The following TMEM74 variants were observed in gnomAD, a reference collection of about 807,000 sequenced individuals.
TMEM74 encodes the protein transmembrane protein 74.
A neutral mutation model predicts 18.1 loss-of-function variants in TMEM74; 13 were observed. The observed-to-expected ratio is 0.72, with a 90% CI of 0.47 to 1.14. The LOEUF is 1.14. Ranked by LOEUF, TMEM74 falls within the 50% of genes most tolerant of loss-of-function variation. TMEM74 has a pLI of 0.00. For synonymous variants in TMEM74, 159 were observed against 146.6 expected, an observed-to-expected ratio of 1.08 and a Z score of -0.61; for missense variants, 372 against 375.9, an observed-to-expected ratio of 0.99 and a Z score of 0.09.
intron 2 of TMEM74, among the ~76,000 whole-genome samples, chr8:108,611,256 C>G (rs1032417375): frequency 6.6e-6 from 1 of 151,932 alleles, no homozygotes; most frequent in South Asian, 2.1e-4. Context: ...GTGAAATTTC[C>G]CATTTCCATT....
intron 1 of TMEM74, among the ~76,000 whole-genome samples, chr8:108,695,964 C>T (rs1249499851): frequency 6.6e-6 from 1 of 152,104 alleles, no homozygotes; most frequent in Non-Finnish European, 1.5e-5. Context: ...CTGTTAAATC[C>T]ACTTTTATCA....
At chr8:108,646,655 G>A (rs376781705) in intron 2 of TMEM74, among the ~76,000 whole-genome samples, 1 of 152,146 alleles carries the variant, frequency 6.6e-6, no homozygotes, top group African/African-American at 2.4e-5. Flanking sequence ...TTAATGAACT[G>A]AGATTCTGCA....
At chr8:108,652,896 A>C (rs1812788009) in intron 2 of TMEM74, 1 of 487,538 alleles carries the variant, frequency 2.1e-6, no homozygotes, top group Non-Finnish European at 4.1e-6. Context: ...CTGGATTCAC[A>C]GTAGACAGTG....
chr8:108,729,911 T>C (rs1329819648), intron 1 of TMEM74, among the ~76,000 whole-genome samples: 2 of 152,206 alleles, frequency 1.3e-5, no homozygotes, highest in East Asian at 1.9e-4. Flanking sequence ...TGAACATTAG[T>C]GGACAAATAA....
At chr8:108,753,483 G>A (rs1279492956) in intron 1 of TMEM74, among the ~76,000 whole-genome samples, 1 of 152,060 alleles carries the variant, frequency 6.6e-6, no homozygotes, top group East Asian at 1.9e-4. Flanking sequence ...AACAAAAAAA[G>A]GAGGCTATGT....
At chr8:108,629,226 G>T (rs982998236) in intron 2 of TMEM74, among the ~76,000 whole-genome samples, 2 of 151,898 alleles carry the variant, frequency 1.3e-5, no homozygotes, top group African/African-American at 4.8e-5. Context: ...GTGCAAGAAA[G>T]GATATCAGAG....
At chr8:108,701,275 C>T (rs548132900) in intron 1 of TMEM74, among the ~76,000 whole-genome samples, 1 of 151,232 alleles carries the variant, frequency 6.6e-6, no homozygotes, top group African/African-American at 2.4e-5. Flanking sequence ...TCTGTAAAAA[C>T]CCCACTGCTA....
intron 2 of TMEM74, among the ~76,000 whole-genome samples, chr8:108,633,045 G>C (rs1812570640): frequency 6.6e-6 from 1 of 151,798 alleles, no homozygotes; most frequent in African/African-American, 2.4e-5. Flanking sequence ...TTCTTTCAGA[G>C]TAATAAAAAA....
chr8:108,767,058 T>C (rs921304648), intron 1 of TMEM74, among the ~76,000 whole-genome samples: 6 of 152,296 alleles, frequency 3.9e-5, no homozygotes, highest in African/African-American at 1.4e-4. Flanking sequence ...CTGACTCAAA[T>C]GTTAATCTCC....
Position 108,780,165 on chromosome 8 carries a change from C to G in TMEM74, c.*4016G>C, listed in dbSNP as rs1285616459. ...ATTACATCTTGCTGTAATAGGTGAA[C>G]CACTGGCAAAGGTTGTGAATCTTTT... is the stretch of plus-strand genomic sequence containing the variant. On this transcript the variant is annotated 3_prime_UTR_variant, in exon 2 of 2. Transcript: ENST00000297459. 6.6e-6 allele frequency among the ~76,000 whole-genome samples: 1 copy of G among 152,140 alleles called. No homozygotes were observed. Among genetic ancestry groups the G allele is most frequent in the Non-Finnish European group, 1.5e-5 (1 of 68,020 alleles).
intron 1 of TMEM74, among the ~76,000 whole-genome samples, chr8:108,678,242 T>G (rs1293919779): frequency 6.6e-6 from 1 of 152,212 alleles, no homozygotes; most frequent in African/African-American, 2.4e-5. Context: ...ACAAAAATAA[T>G]GGATTCCAAT....
chr8:108,706,824 C>T (rs529955313), intron 1 of TMEM74, among the ~76,000 whole-genome samples: 24 of 140,880 alleles, frequency 1.7e-4, no homozygotes, highest in African/African-American at 5.0e-4. Flanking sequence ...CAAGCACATG[C>T]ATGTAAAATA....
intron 1 of TMEM74, among the ~76,000 whole-genome samples, chr8:108,772,415 G>C (rs1343259275): frequency 6.6e-6 from 1 of 152,162 alleles, no homozygotes; most frequent in Non-Finnish European, 1.5e-5. Flanking sequence ...TCTGGGTTCT[G>C]TGGAGATAAG....
Position 108,742,361 on chromosome 8 carries a change from GA to G in TMEM74, n.119+45114del, listed in dbSNP as rs530069143. Among the ~76,000 whole-genome samples, 164 of 152,188 alleles carry G rather than the reference GA, an allele frequency of 1.1e-3. 2 individuals carry two copies. The highest frequency in any genetic ancestry group is 3.9e-3 in the African/African-American group (160 of 41,520). The stretch of plus-strand genomic sequence containing the variant: ...GCCTTATGCATGTATTACCTATTTG[GA>G]TAAGCAATTTAAAACAAAATTCATT... On this transcript the variant is annotated intron_variant and non_coding_transcript_variant, in intron 1 of 3. Coordinates refer to the TMEM74 transcript ENST00000518838.
downstream of TMEM74, among the ~76,000 whole-genome samples, chr8:108,777,436 T>C (rs184279674): frequency 1.8e-4 from 27 of 152,284 alleles, no homozygotes; most frequent in Non-Finnish European, 2.9e-4. Context: ...TTGAGTCTCA[T>C]TAGGGGTAAG....
chr8:108,673,882 C>T (rs1244581000), intron 1 of TMEM74, among the ~76,000 whole-genome samples: 1 of 152,138 alleles, frequency 6.6e-6, no homozygotes, highest in Non-Finnish European at 1.5e-5. Flanking sequence ...TAGTATTTAG[C>T]CTATTGTTAA....
At chr8:108,615,416 A>T (rs1812373227) in intron 2 of TMEM74, among the ~76,000 whole-genome samples, 1 of 152,176 alleles carries the variant, frequency 6.6e-6, no homozygotes, top group South Asian at 2.1e-4. Context: ...CACATAAACC[A>T]AAGCCCTTGG....
At chr8:108,621,999 A>G (rs1312242140) in intron 2 of TMEM74, among the ~76,000 whole-genome samples, 1 of 152,144 alleles carries the variant, frequency 6.6e-6, no homozygotes, top group Non-Finnish European at 1.5e-5. Context: ...TTTTTTCACT[A>G]GAATGCTTTC....
At chr8:108,703,303 C>T (rs141722186) in intron 1 of TMEM74, among the ~76,000 whole-genome samples, 9 of 152,212 alleles carry the variant, frequency 5.9e-5, no homozygotes, top group East Asian at 1.9e-4. Flanking sequence ...GTTGTTGTAA[C>T]GTACATTTCC....
Sources: gnomAD v4.1 joint callset for allele counts (sites outside exome capture counted in the v4.1 genomes callset) on GRCh38, gnomAD v4.1.1 for gene constraint, MANE v1.5 for transcripts, NCBI Gene and HGNC (gene_info 2026-07-23, HGNC 2026-07-21) for gene names.